The following SLC24A3 variants were observed in gnomAD, a reference collection of about 807,000 sequenced individuals.
SLC24A3 encodes the protein solute carrier family 24 member 3.
A neutral mutation model predicts 75.8 loss-of-function variants in SLC24A3; 28 were observed. The observed-to-expected ratio is 0.37, with a 90% CI of 0.27 to 0.51. The LOEUF (loss-of-function observed/expected upper bound fraction) is 0.51. Among genes scored for constraint, SLC24A3 ranks in the 20% least tolerant of loss-of-function variants. SLC24A3 has a pLI of 0.94. For synonymous variants in SLC24A3, 372 were observed against 334.1 expected, an observed-to-expected ratio of 1.11 and a Z score of -1.24; for missense variants, 663 against 847.8, an observed-to-expected ratio of 0.78 and a Z score of 2.71.
chr20:19,426,613 G>A (rs1228852876), intron 2 of SLC24A3, among the ~76,000 whole-genome samples: 4 of 152,210 alleles, frequency 2.6e-5, no homozygotes, highest in Non-Finnish European at 5.9e-5. Flanking sequence ...TTGATGCATG[G>A]ATGTATTTTC....
At chr20:19,452,366 C>T (rs555466026) in intron 2 of SLC24A3, among the ~76,000 whole-genome samples, 28 of 122,046 alleles carry the variant, frequency 2.3e-4, no homozygotes, top group African/African-American at 7.9e-4. Flanking sequence ...AATGTGGGAT[C>T]CTGTGGGGGA....
At chr20:19,678,751 C>T (rs1377637225) in intron 9 of SLC24A3, among the ~76,000 whole-genome samples, 1 of 145,722 alleles carries the variant, frequency 6.9e-6, no homozygotes, top group Non-Finnish European at 1.5e-5. Flanking sequence ...TCAGACGGGG[C>T]GGCTGCCGGG....
At chr20:19,436,438 T>C (rs1987204412) in intron 2 of SLC24A3, among the ~76,000 whole-genome samples, 1 of 152,202 alleles carries the variant, frequency 6.6e-6, no homozygotes. Flanking sequence ...AGTATGCTCA[T>C]GTAGATTTAC....
chr20:19,466,594 A>C (rs576037402), intron 2 of SLC24A3, among the ~76,000 whole-genome samples: 1 of 152,352 alleles, frequency 6.6e-6, no homozygotes, highest in East Asian at 1.9e-4. Context: ...AGCGTCCACC[A>C]TGATGGAAGT....
At chr20:19,680,311 C>T (rs1001051499) in intron 9 of SLC24A3, among the ~76,000 whole-genome samples, 3 of 152,160 alleles carry the variant, frequency 2.0e-5, no homozygotes, top group Admixed American at 2.0e-4. Flanking sequence ...GCAATCTGTT[C>T]CCTTGGCCTA....
chr20:19,447,363 A>G (rs1987404494), intron 2 of SLC24A3, among the ~76,000 whole-genome samples: 1 of 151,996 alleles, frequency 6.6e-6, no homozygotes, highest in Non-Finnish European at 1.5e-5. Context: ...AAGGGTGCCT[A>G]GTGTTGTTTG....
At chr20:19,666,667 G>T (rs1412440991) in intron 8 of SLC24A3, among the ~76,000 whole-genome samples, 1 of 151,986 alleles carries the variant, frequency 6.6e-6, no homozygotes, top group Non-Finnish European at 1.5e-5. Context: ...TGTTGTTGGG[G>T]ATGTTTTATT....
At chr20:19,675,988 G>T (rs1214262977) in intron 9 of SLC24A3, among the ~76,000 whole-genome samples, 1 of 152,176 alleles carries the variant, frequency 6.6e-6, no homozygotes, top group African/African-American at 2.4e-5. Flanking sequence ...TCCCAAAAGT[G>T]GATTAGTTGA....
intron 2 of SLC24A3, among the ~76,000 whole-genome samples, chr20:19,322,365 C>T (rs539754903): frequency 1.2e-5 from 1 of 80,072 alleles, no homozygotes; most frequent in East Asian, 3.3e-4. Flanking sequence ...TTCCTTCCTT[C>T]CCTTCCTTCC....
intron 1 of SLC24A3, among the ~76,000 whole-genome samples, chr20:19,262,117 A>G (rs1022615684): frequency 4.6e-5 from 7 of 152,132 alleles, no homozygotes; most frequent in African/African-American, 9.7e-5. Flanking sequence ...ACAGAAAGAG[A>G]GAGAGGCCGG....
intron 8 of SLC24A3, among the ~76,000 whole-genome samples, chr20:19,669,071 G>A (rs528918951): frequency 6.6e-6 from 1 of 152,332 alleles, no homozygotes; most frequent in South Asian, 2.1e-4. Flanking sequence ...CTGGGGTCAG[G>A]CGCACCCTCT....
At chr20:19,565,829 G>T (rs1318433806) in intron 3 of SLC24A3, among the ~76,000 whole-genome samples, 1 of 152,150 alleles carries the variant, frequency 6.6e-6, no homozygotes, top group Non-Finnish European at 1.5e-5. Context: ...CAGATCAGGG[G>T]CTTTGAAGTC....
intron 1 of SLC24A3, among the ~76,000 whole-genome samples, chr20:19,279,064 T>C (rs746966507): frequency 5.3e-5 from 8 of 152,224 alleles, no homozygotes; most frequent in Non-Finnish European, 1.0e-4. Flanking sequence ...GGAGAGGCAA[T>C]GTCCACACTC....
chr20:19,371,784 G>T (rs1447914996), intron 2 of SLC24A3, among the ~76,000 whole-genome samples: 1 of 152,156 alleles, frequency 6.6e-6, no homozygotes, highest in Non-Finnish European at 1.5e-5. Context: ...CCTGTATTCT[G>T]CAGCGTACAG....
chr20:19,467,742 G>A lies in SLC24A3; in HGVS notation c.272-47746G>A, dbSNP rs986879272. ...CTAAAAATACAAAAATTAGCTGGGC[G>A]TAGTGGTGCACGCCTGTAATCCCAG... On this transcript the variant is annotated intron_variant, in intron 2 of 16. Transcript: ENST00000328041. Among the ~76,000 whole-genome samples the A allele has an allele frequency of 2.6e-5, 4 of 152,216 alleles. No individual in the cohort carries two copies. The East Asian group carries it at 7.7e-4, about 29-fold the overall frequency.
intron 2 of SLC24A3, among the ~76,000 whole-genome samples, chr20:19,393,960 A>G (rs1568607065): frequency 1.3e-5 from 2 of 152,240 alleles, no homozygotes; most frequent in African/African-American, 2.4e-5. Context: ...TACAAAATAT[A>G]TTACAAAGCT....
At chr20:19,591,223 G>A (rs774800694) in intron 6 of SLC24A3, among the ~76,000 whole-genome samples, 7 of 152,228 alleles carry the variant, frequency 4.6e-5, no homozygotes, top group South Asian at 2.1e-4. Context: ...CTCACAAAAC[G>A]TGTGTCTTGC....
At position 19,631,902 on chromosome 20, in the gene SLC24A3, G is replaced by A. The variant is rs545617239; in HGVS notation, c.613-22160G>A. Among the ~76,000 whole-genome samples, 117 of 151,892 alleles carry A rather than the reference G, an allele frequency of 7.7e-4. 2 individuals are homozygous for A. Among genetic ancestry groups the A allele is most frequent in the Admixed American group, 2.0e-3 (31 of 15,230 alleles). ...GAAATGTGAGTCTGGCTCTGACTCC[G>A]CTGTTCTCAACTGTGGGACCTTGGG... On this transcript the variant is annotated intron_variant, in intron 6 of 16. Coordinates refer to ENST00000328041, the MANE Select transcript of SLC24A3 (RefSeq NM_020689.4).
chr20:19,484,618 G>T (rs935276435), intron 2 of SLC24A3, among the ~76,000 whole-genome samples: 1 of 152,082 alleles, frequency 6.6e-6, no homozygotes, highest in East Asian at 1.9e-4. Context: ...GAGTCCACTT[G>T]GGTGAAGTCT....
Sources: gnomAD v4.1 joint callset for allele counts (sites outside exome capture counted in the v4.1 genomes callset) on GRCh38, gnomAD v4.1.1 for gene constraint, MANE v1.5 for transcripts, NCBI Gene and HGNC (gene_info 2026-07-23, HGNC 2026-07-21) for gene names.